Variants in CDH4 observed in about 807,000 individuals in gnomAD.
The protein encoded by CDH4 is cadherin-4.
Under a neutral mutation model 86.0 loss-of-function variants are expected in CDH4, and 33 were observed. The ratio of observed to expected loss-of-function variants is 0.38; its 90% CI spans 0.29 to 0.51. The LOEUF (loss-of-function observed/expected upper bound fraction) is 0.51, where lower values mean the gene tolerates loss of function less well. Ranked by LOEUF, CDH4 falls within the 20% of genes least tolerant of loss-of-function variation. The probability of loss-of-function intolerance (pLI) is 0.86; values close to 1 mark genes in which losing one functional copy is unlikely to be tolerated. For missense variants in CDH4, 1,114 were observed against 1,307.4 expected (o/e 0.85, Z 2.28); for synonymous variants, 555 against 549.4 (o/e 1.01, Z -0.14).
At chr20:61,391,491 A>G (rs1048769274) in intron 2 of CDH4, among the ~76,000 whole-genome samples, 8 of 152,148 alleles carry the variant, frequency 5.3e-5, no homozygotes, top group Non-Finnish European at 1.0e-4. Flanking sequence ...GGCTAGACAC[A>G]TGCCCCACCA....
In CDH4 at chr20:61,902,751, A is replaced by G. The variant is rs142107675; in HGVS notation, c.1189-7671A>G. Among the ~76,000 whole-genome samples the G allele has an allele frequency of 6.6e-6, 1 of 152,354 alleles. No homozygotes were observed. The highest frequency in any genetic ancestry group is 1.5e-5 in the Non-Finnish European group (1 of 68,032). On this transcript the variant is annotated intron_variant, in intron 8 of 15. Transcript: ENST00000614565. The surrounding 1 kb of genome is among the most constrained non-coding windows in gnomAD (Gnocchi z 4.6). The stretch of plus-strand genomic sequence containing the variant: ...TGACTTCACCTATAGCAAAGAGGCT[A>G]CATAGGTGTCGTTTTGGGAATATTT...
intron 2 of CDH4, among the ~76,000 whole-genome samples, chr20:61,598,562 G>A (rs529052315): frequency 7.9e-5 from 12 of 152,144 alleles, no homozygotes; most frequent in South Asian, 2.1e-4. Flanking sequence ...CTGCGGTGCC[G>A]GCAGTAAGGT....
At chr20:61,559,567 C>A (rs1174402716) in intron 2 of CDH4, among the ~76,000 whole-genome samples, 87 of 134,624 alleles carry the variant, frequency 6.5e-4, no homozygotes, top group African/African-American at 2.5e-3. Flanking sequence ...GTGTGTGGCC[C>A]AGGCTGGAGT....
At chr20:61,539,150 G>A (rs915830807) in intron 2 of CDH4, among the ~76,000 whole-genome samples, 6 of 152,050 alleles carry the variant, frequency 3.9e-5, no homozygotes, top group African/African-American at 9.7e-5. Context: ...GTGCACCCAC[G>A]GCCCTGGAGG....
intron 4 of CDH4, among the ~76,000 whole-genome samples, chr20:61,787,108 ATCCATCCATCCATCCGTCTGTCCG>A (rs1236653186): frequency 3.5e-5 from 3 of 85,282 alleles, no homozygotes; most frequent in African/African-American, 9.2e-5. Flanking sequence ...TCATCCATCC[ATCCATCCATCCATCCGTCTGTCCG>A]TCCATCCATC....
chr20:61,620,622 G>T (rs1340869851), intron 2 of CDH4, among the ~76,000 whole-genome samples: 1 of 152,200 alleles, frequency 6.6e-6, no homozygotes, highest in East Asian at 1.9e-4. Context: ...GGTGAAAATT[G>T]CTACTTACCA....
At chr20:61,348,538 A>G (rs574642328) in intron 2 of CDH4, among the ~76,000 whole-genome samples, 12 of 152,076 alleles carry the variant, frequency 7.9e-5, no homozygotes, top group Middle Eastern at 3.4e-3. Context: ...ACTTTTTCTC[A>G]TCTTAAAGCT....
chr20:61,699,473 A>C (rs11700340), intron 2 of CDH4, among the ~76,000 whole-genome samples: 38,884 of 152,188 alleles, frequency 0.26, 6,708 homozygotes, highest in Non-Finnish European at 0.36. Flanking sequence ...CACCGTGGGT[A>C]AGCAACCCCA....
chr20:61,381,160 C>T (rs1218926306), intron 2 of CDH4, among the ~76,000 whole-genome samples: 2 of 152,062 alleles, frequency 1.3e-5, no homozygotes, highest in Admixed American at 6.6e-5. Context: ...GAATGAGGCT[C>T]GGGGTGCCTG....
At position 61,882,991 on chromosome 20, in the gene CDH4, A is replaced by G. The variant is rs376886075; in HGVS notation, c.1050+9091A>G. 2.9e-3 allele frequency among the ~76,000 whole-genome samples: 438 copies of G among 152,306 alleles called. 1 individual carries two copies. Among genetic ancestry groups the G allele is most frequent in the African/African-American group, 9.7e-3 (405 of 41,548 alleles). On this transcript the variant is annotated intron_variant, in intron 7 of 15. Transcript: ENST00000614565. ...CTGCTCTGTCCACGCCCAGAAGCCC[A>G]GTGATCCTGTTCAAACACCAATCTG...
intron 9 of CDH4, 53 bp from the exon 10 acceptor site, chr20:61,923,398 C>T: frequency 6.3e-7 from 1 of 1,592,428 alleles, no homozygotes; most frequent in Non-Finnish European, 8.6e-7. Flanking sequence ...CCCCCATGCC[C>T]ACTCCCACGG....
At chr20:61,279,263 G>A (rs1292858960) in intron 2 of CDH4, among the ~76,000 whole-genome samples, 1 of 152,176 alleles carries the variant, frequency 6.6e-6, no homozygotes, top group Non-Finnish European at 1.5e-5. Flanking sequence ...CCATAACCCT[G>A]CCCCAGTGGG....
rs575430065 is a variant in CDH4, at chr20:61,520,269, C to T, written c.170-223294C>T. Among the ~76,000 whole-genome samples the T allele has an allele frequency of 2.0e-5, 3 of 152,282 alleles. No individual in the cohort carries two copies. The South Asian group carries it at 6.2e-4, about 32-fold the overall frequency. On this transcript the variant is annotated intron_variant, in intron 2 of 15. Transcript: ENST00000614565. ...CGCCTGTGTGGGACTGTCTGCAGAG[C>T]CCAGCACAGGGTGACTGCCCAGTCC...
At chr20:61,861,625 G>C (rs1202194295) in intron 6 of CDH4, among the ~76,000 whole-genome samples, 1 of 73,458 alleles carries the variant, frequency 1.4e-5, no homozygotes, top group African/African-American at 3.2e-5. Context: ...ACAGCAGCTT[G>C]AACAAGTGGA....
rs962558532 is a variant in CDH4, at chr20:61,372,949, G to A, written c.169+118012G>A. Among the ~76,000 whole-genome samples, 11 of 152,250 alleles carry A rather than the reference G, an allele frequency of 7.2e-5. No homozygotes were observed. In the South Asian group the frequency reaches 1.7e-3, roughly 23 times the overall value. On this transcript the variant is annotated intron_variant, in intron 2 of 15. Coordinates refer to ENST00000614565, the MANE Select transcript of CDH4 (RefSeq NM_001794.5). ...ACGCAACCCCAGCCCCGTGCCCTCC[G>A]CGTCCTTGCATGCATTTCACACGAT...
At chr20:61,565,078 T>TGGTGGTGGTGGTGGTGGTGGTGGTGGC (rs2086256008) in intron 2 of CDH4, among the ~76,000 whole-genome samples, 1 of 125,064 alleles carries the variant, frequency 8.0e-6, no homozygotes, top group African/African-American at 3.1e-5. Flanking sequence ...GTGGTGGTGG[T>TGGTGGTGGTGGTGGTGGTGGTGGTGGC]GGTGGTGGTG....
intron 2 of CDH4, among the ~76,000 whole-genome samples, chr20:61,282,922 G>GTGCGTT: frequency 2.0e-5 from 3 of 150,712 alleles, no homozygotes; most frequent in Non-Finnish European, 3.0e-5. Flanking sequence ...TGTGATGTAC[G>GTGCGTT]TGCATTTGCA....
At chr20:61,359,464 C>T (rs2123316086) in intron 2 of CDH4, among the ~76,000 whole-genome samples, 1 of 152,318 alleles carries the variant, frequency 6.6e-6, no homozygotes, top group South Asian at 2.1e-4. Context: ...GCACGCAGGC[C>T]GCCTGGACAG....
chr20:61,485,828 T>C (rs1343038280), intron 2 of CDH4, among the ~76,000 whole-genome samples: 2 of 152,204 alleles, frequency 1.3e-5, no homozygotes, highest in Non-Finnish European at 1.5e-5. Context: ...TCTGTCGACA[T>C]CCAGCTCCTT....
Sources: allele counts gnomAD v4.1 joint callset (sites outside exome capture counted in the v4.1 genomes callset), GRCh38; gene constraint gnomAD v4.1.1; non-coding constraint Gnocchi (gnomAD v3.1); transcripts MANE v1.5; gene names NCBI Gene and HGNC (gene_info 2026-07-23, HGNC 2026-07-21).